LRFN5: variants seen among roughly 807,000 people sequenced by gnomAD.
The protein encoded by LRFN5 is leucine rich repeat and fibronectin type III domain containing 5.
LRFN5 carries 24 observed loss-of-function variants against 45.6 expected under a neutral mutation model. The observed-to-expected ratio is 0.53, with a 90% CI of 0.38 to 0.74. The LOEUF is 0.74. LRFN5 is among the 30% of genes least tolerant of loss of function. The pLI is 0.00. For synonymous variants in LRFN5, 340 were observed against 313.8 expected (o/e 1.08, Z -0.88); for missense variants, 776 against 861.5 (o/e 0.90, Z 1.24).
chr14:41,860,310 T>C (rs1014143628), intron 2 of LRFN5, among the ~76,000 whole-genome samples: 3 of 152,222 alleles, frequency 2.0e-5, no homozygotes, highest in Non-Finnish European at 4.4e-5. Flanking sequence ...ATTTATAAGA[T>C]AGTTATTTCA....
intron 1 of LRFN5, among the ~76,000 whole-genome samples, chr14:41,652,790 G>A (rs918040922): frequency 1.3e-5 from 2 of 152,066 alleles, no homozygotes; most frequent in East Asian, 3.9e-4. Flanking sequence ...CAGTGTATAA[G>A]CATTCCTTTT....
Position 41,869,499 on chromosome 14 carries a change from C to A in LRFN5, c.-20-17107C>A, listed in dbSNP as rs182224468. Among the ~76,000 whole-genome samples, 34 of 151,752 alleles carry A rather than the reference C, an allele frequency of 2.2e-4. No homozygotes were observed. In the East Asian group the frequency reaches 6.6e-3, roughly 29 times the overall value. On this transcript the variant is annotated intron_variant, in intron 2 of 5. Transcript: ENST00000298119. ...TAAAGAGGTATCCAAATTATCTAGC[C>A]TGGCGTTGTTGAAATAAAAATTATA...
chr14:41,680,164 G>T (rs1881820748), intron 1 of LRFN5, among the ~76,000 whole-genome samples: 1 of 152,126 alleles, frequency 6.6e-6, no homozygotes, highest in Non-Finnish European at 1.5e-5. Flanking sequence ...CAACATCTCT[G>T]GACCTGCCTG....
intron 2 of LRFN5, among the ~76,000 whole-genome samples, chr14:41,787,564 G>A (rs755986333): frequency 3.3e-5 from 5 of 151,100 alleles, no homozygotes; most frequent in African/African-American, 7.3e-5. Context: ...AGTCTCTTCA[G>A]TAGAGGTAGA....
intron 2 of LRFN5, among the ~76,000 whole-genome samples, chr14:41,789,893 G>A (rs1886858320): frequency 8.2e-6 from 1 of 122,174 alleles, no homozygotes; most frequent in Admixed American, 8.6e-5. Context: ...ATTTGCATCC[G>A]AGTTTATGAG....
chr14:41,716,616 C>T (rs1333682845), intron 1 of LRFN5, among the ~76,000 whole-genome samples: 2 of 152,148 alleles, frequency 1.3e-5, no homozygotes, highest in Admixed American at 1.3e-4. Flanking sequence ...CCACCTCAGC[C>T]TGGACTTTAC....
At chr14:41,651,443 C>A (rs1468066135) in intron 1 of LRFN5, among the ~76,000 whole-genome samples, 1 of 152,074 alleles carries the variant, frequency 6.6e-6, no homozygotes, top group African/African-American at 2.4e-5. Context: ...TTTTGATGTA[C>A]ACTTACAGAA....
At chr14:41,838,605 G>T (rs1888747677) in intron 2 of LRFN5, among the ~76,000 whole-genome samples, 2 of 152,220 alleles carry the variant, frequency 1.3e-5, no homozygotes, top group Admixed American at 1.3e-4. Context: ...GGTTTTGAAA[G>T]AAACTCAGAT....
chr14:41,728,585 CAGATTTCTTTTGTAATTAAGATT>C (rs1884034603), intron 1 of LRFN5, among the ~76,000 whole-genome samples: 1 of 152,134 alleles, frequency 6.6e-6, no homozygotes, highest in African/African-American at 2.4e-5. Context: ...CTTTAACTCT[CAGATTTCTTTTGTAATTAAGATT>C]AGAATCTATT....
At chr14:41,721,649 T>G (rs1201167493) in intron 1 of LRFN5, among the ~76,000 whole-genome samples, 1 of 152,176 alleles carries the variant, frequency 6.6e-6, no homozygotes, top group Non-Finnish European at 1.5e-5. Flanking sequence ...GTATATGATA[T>G]TCTGGGTTTT....
chr14:41,764,521 C>T (rs1485843363), intron 1 of LRFN5, among the ~76,000 whole-genome samples: 2 of 152,054 alleles, frequency 1.3e-5, no homozygotes, highest in Non-Finnish European at 2.9e-5. Flanking sequence ...TCAGTTGTTA[C>T]TGTGCTTTTC....
intron 1 of LRFN5, among the ~76,000 whole-genome samples, chr14:41,631,204 T>G (rs1888521075): frequency 6.6e-6 from 1 of 152,208 alleles, no homozygotes; most frequent in South Asian, 2.1e-4. Context: ...CTGTTTACAC[T>G]GTTCACAACA....
At chr14:41,765,258 C>A (rs35660536) in intron 1 of LRFN5, among the ~76,000 whole-genome samples, 1 of 150,358 alleles carries the variant, frequency 6.7e-6, no homozygotes, top group Admixed American at 6.6e-5. Flanking sequence ...AGGAGAATGG[C>A]GTGAACCCGG....
Position 41,887,852 on chromosome 14 carries a change from T to C in LRFN5, c.1227T>C (p.Ser409=), listed in dbSNP as rs1182115785. The C allele has an allele frequency of 6.2e-7, 1 of 1,613,984 alleles. No individual in the cohort carries two copies. Among genetic ancestry groups the C allele is most frequent in the Non-Finnish European group, 8.5e-7 (1 of 1,180,022 alleles). Residue 409 remains serine, a synonymous_variant, in exon 3 of 6, where the codon AGT becomes AGC. Transcript: ENST00000298119. This position sits in a 1 kb window ranked among gnomAD's most constrained non-coding sequence, Gnocchi z 4.8. ...TSTKSGSNTS[S]SNGDTKLSQD... Reference sequence around the variant, plus strand: ...CCAAGTCAGGTTCTAATACAAGCAGTAGTAATGGTGATACTAAATTGAGTC... The same window carrying C: ...CCAAGTCAGGTTCTAATACAAGCAGCAGTAATGGTGATACTAAATTGAGTC...
At chr14:41,756,692 A>G (rs1315796858) in intron 1 of LRFN5, among the ~76,000 whole-genome samples, 3 of 151,964 alleles carry the variant, frequency 2.0e-5, no homozygotes, top group Non-Finnish European at 4.4e-5. Flanking sequence ...CTTCTTTGCC[A>G]TGGGTTCGAA....
At chr14:41,719,653 A>G (rs1477003453) in intron 1 of LRFN5, among the ~76,000 whole-genome samples, 1 of 151,744 alleles carries the variant, frequency 6.6e-6, no homozygotes, top group Non-Finnish European at 1.5e-5. Flanking sequence ...TTCTCAAATC[A>G]TTTTACTCTT....
chr14:41,878,480 A>T (rs1890263167), intron 2 of LRFN5, among the ~76,000 whole-genome samples: 1 of 152,062 alleles, frequency 6.6e-6, no homozygotes, highest in Non-Finnish European at 1.5e-5. Context: ...AAGTACTGAT[A>T]CTCTTGAGCA....
At chr14:41,732,295 C>G (rs1566641850) in intron 1 of LRFN5, among the ~76,000 whole-genome samples, 1 of 152,168 alleles carries the variant, frequency 6.6e-6, no homozygotes, top group East Asian at 1.9e-4. Context: ...AGGCAGTGGC[C>G]GTTATTGTTT....
chr14:41,876,705 C>A (rs1890202288), intron 2 of LRFN5, among the ~76,000 whole-genome samples: 2 of 152,150 alleles, frequency 1.3e-5, no homozygotes, highest in Admixed American at 6.5e-5. Flanking sequence ...CCTGCCCTCT[C>A]TTTCATCCTT....
Sources: gnomAD v4.1 joint callset for allele counts (sites outside exome capture counted in the v4.1 genomes callset) on GRCh38, gnomAD v4.1.1 for gene constraint, Gnocchi (gnomAD v3.1) non-coding constraint, MANE v1.5 for transcripts, NCBI Gene and HGNC (gene_info 2026-07-23, HGNC 2026-07-21) for gene names.